MCOLN2: variants seen among roughly 807,000 people sequenced by gnomAD.
The protein encoded by MCOLN2 is mucolipin-2.
A neutral mutation model predicts 67.5 loss-of-function variants in MCOLN2; 57 were observed. The observed-to-expected ratio is 0.84, with a 90% CI of 0.68 to 1.05. The LOEUF (loss-of-function observed/expected upper bound fraction) is 1.05. Ranked by LOEUF, MCOLN2 falls within the 50% of genes least tolerant of loss-of-function variation. The probability of loss-of-function intolerance (pLI) is 0.00; values close to 1 mark genes in which losing one functional copy is unlikely to be tolerated. For missense variants in MCOLN2, 620 were observed against 678.8 expected (o/e 0.91, Z 0.96); for synonymous variants, 246 against 233.3 (o/e 1.05, Z -0.50).
chr1:84,942,580 G>C (rs1279740826), intron 7 of MCOLN2, among the ~76,000 whole-genome samples: 1 of 145,886 alleles, frequency 6.9e-6, no homozygotes, highest in Non-Finnish European at 1.5e-5. Flanking sequence ...TTATCATTAA[G>C]TGTCCATCTT....
chr1:84,937,774 A>G lies in MCOLN2; in HGVS notation c.1316T>C (p.Leu439Ser). 6.2e-7 allele frequency: 1 copy of G among 1,614,216 alleles called. No homozygotes were observed. Among genetic ancestry groups the G allele is most frequent in the Non-Finnish European group, 8.5e-7 (1 of 1,180,026 alleles). The change falls in exon 11 of 14, where the codon TTA becomes TCA. Residue 439 changes from leucine (L) to serine (S), a missense_variant. Transcript: ENST00000370608. ...LGYTFCGWIVLGPYHDKFENL... is the reference protein window; with the variant it reads ...LGYTFCGWIVSGPYHDKFENL... ...ACACACCTTGTCATGGTATGGTCCT[A>G]AGACAATCCAGCCACAGAATGTGTA...
chr1:84,943,913 G>A (rs949631881), intron 7 of MCOLN2, among the ~76,000 whole-genome samples: 4 of 152,120 alleles, frequency 2.6e-5, no homozygotes, highest in Non-Finnish European at 5.9e-5. Context: ...CTAATGGGTA[G>A]GTAAGAAAAC....
chr1:84,980,394 C>A (rs1650196657), intron 1 of MCOLN2, among the ~76,000 whole-genome samples: 1 of 152,148 alleles, frequency 6.6e-6, no homozygotes, highest in South Asian at 2.1e-4. Context: ...GGAGGAATCA[C>A]ATTATCTGAC....
In MCOLN2 at chr1:84,965,652, A is replaced by G. The variant is rs1221566177; in HGVS notation, c.134T>C (p.Leu45Pro). 6.2e-7 allele frequency: 1 copy of G among 1,613,988 alleles called. No homozygotes were observed. The highest frequency in any genetic ancestry group is 1.1e-5 in the South Asian group (1 of 91,082). The change falls in exon 2 of 14, where the codon CTG becomes CCG. Residue 45 changes from leucine (L) to proline (P), a missense_variant. Coordinates refer to ENST00000370608, the MANE Select transcript of MCOLN2 (RefSeq NM_153259.4). ...EMKEECLRED[L>P]KFYFMSPCEK... ...ACAAGGGCTCATGAAGTAAAACTTC[A>G]GGTCTTCCCTTAGACATTCTTCTTT...
intron 2 of MCOLN2, among the ~76,000 whole-genome samples, chr1:84,960,836 C>A (rs910369285): frequency 6.6e-6 from 1 of 152,150 alleles, no homozygotes; most frequent in Non-Finnish European, 1.5e-5. Flanking sequence ...GTTCTTCAAT[C>A]AAAGTTTGCT....
At chr1:84,975,061 G>A (rs1649926779) in intron 1 of MCOLN2, among the ~76,000 whole-genome samples, 1 of 152,196 alleles carries the variant, frequency 6.6e-6, no homozygotes, top group Non-Finnish European at 1.5e-5. Flanking sequence ...TTTTATTGTA[G>A]TCCCTGACTC....
At chr1:84,985,964 A>G (rs1650485366) in intron 1 of MCOLN2, among the ~76,000 whole-genome samples, 1 of 152,180 alleles carries the variant, frequency 6.6e-6, no homozygotes, top group Non-Finnish European at 1.5e-5. Context: ...TATGGAACCA[A>G]AAAAGAGCCT....
At chr1:84,942,584 C>T (rs1570963880) in intron 7 of MCOLN2, among the ~76,000 whole-genome samples, 2 of 105,120 alleles carry the variant, frequency 1.9e-5, no homozygotes. Flanking sequence ...CATTAAGTGT[C>T]CATCTTCCCC....
intron 1 of MCOLN2, among the ~76,000 whole-genome samples, chr1:84,987,431 C>CATATAT (rs1650588727): frequency 1.0e-5 from 1 of 97,704 alleles, no homozygotes; most frequent in African/African-American, 5.1e-5. Context: ...TACCTATATA[C>CATATAT]GTATATAGAT....
intron 12 of MCOLN2, chr1:84,929,934 A>G (rs550754228): frequency 2.3e-5 from 4 of 174,656 alleles, no homozygotes; most frequent in Non-Finnish European, 3.3e-5. Flanking sequence ...GGTTTTTTTT[A>G]AAAAAAAAAA....
intron 4 of MCOLN2, among the ~76,000 whole-genome samples, chr1:84,954,439 C>T (rs1414562132): frequency 3.3e-5 from 5 of 152,206 alleles, no homozygotes; most frequent in Non-Finnish European, 5.9e-5. Flanking sequence ...CACTTAACTC[C>T]ATACCAGACA....
At chr1:84,985,205 A>G (rs1278297675) in intron 1 of MCOLN2, among the ~76,000 whole-genome samples, 1 of 152,090 alleles carries the variant, frequency 6.6e-6, no homozygotes, top group Admixed American at 6.5e-5. Flanking sequence ...TCCCATTTCT[A>G]TTACTCCATT....
At chr1:84,952,602 G>T in intron 4 of MCOLN2, 72 bp from the exon 5 acceptor site, 1 of 943,692 alleles carries the variant, frequency 1.1e-6, no homozygotes, top group Non-Finnish European at 1.7e-6. Context: ...GGGTGAAAGT[G>T]TGACAAGAAG....
intron 4 of MCOLN2, among the ~76,000 whole-genome samples, chr1:84,953,528 C>T (rs890328014): frequency 2.2e-5 from 3 of 137,674 alleles, no homozygotes; most frequent in East Asian, 2.1e-4. Flanking sequence ...CCAGCCTGGG[C>T]GACAAGAACG....
chr1:84,989,097 G>A (rs1448296031), intron 1 of MCOLN2, among the ~76,000 whole-genome samples: 1 of 152,052 alleles, frequency 6.6e-6, no homozygotes, highest in African/African-American at 2.4e-5. Flanking sequence ...CCCCTACAAT[G>A]GACTTCATGA....
chr1:84,931,529 G>C lies in MCOLN2; in HGVS notation c.1375C>G (p.Leu459Val). Residue 459 changes from leucine (L) to valine (V), a missense_variant, in exon 12 of 14, where the codon CTG becomes GTG. Coordinates refer to ENST00000370608, the MANE Select transcript of MCOLN2 (RefSeq NM_153259.4). Reference sequence around the variant, plus strand: ...GCAAACATGTCATCACCGTTGACCAGAGAAAACAGACACTCAGCAACTGTG... The same window carrying C: ...GCAAACATGTCATCACCGTTGACCACAGAAAACAGACACTCAGCAACTGTG... Reference protein sequence around the residue: ...LNTVAECLFSLVNGDDMFATF... With the variant: ...LNTVAECLFSVVNGDDMFATF... The C allele has an allele frequency of 3.1e-6, 5 of 1,614,046 alleles. No homozygotes were observed. Among genetic ancestry groups the C allele is most frequent in the East Asian group, 2.2e-5 (1 of 44,880 alleles).
In MCOLN2 at chr1:84,939,588, T is replaced by C; in HGVS notation, c.1075A>G (p.Ile359Val). 2 of 1,614,118 alleles carry C rather than the reference T, an allele frequency of 1.2e-6. No homozygotes were observed. The highest frequency in any genetic ancestry group is 2.2e-5 in the East Asian group (1 of 44,866). Residue 359 changes from isoleucine to valine, a missense_variant, in exon 9 of 14, where the codon ATT (isoleucine) becomes GTT (valine). Coordinates refer to ENST00000370608, the MANE Select transcript of MCOLN2 (RefSeq NM_153259.4). ...LVIISDLMTI[I>V]GSILKMEIKA... ...ATTTCCATTTTTAATATGGAGCCAATGATTGTCATTAGGTCGCTGATAATC... is the reference window on the plus strand; with the variant it reads ...ATTTCCATTTTTAATATGGAGCCAACGATTGTCATTAGGTCGCTGATAATC...
chr1:84,986,279 G>A (rs371087688), intron 1 of MCOLN2, among the ~76,000 whole-genome samples: 2 of 152,164 alleles, frequency 1.3e-5, no homozygotes, highest in Admixed American at 6.5e-5. Context: ...GGTAGTTCAC[G>A]CCTATAATCC....
intron 11 of MCOLN2, among the ~76,000 whole-genome samples, chr1:84,933,325 G>A (rs1245001910): frequency 6.6e-6 from 1 of 152,030 alleles, no homozygotes; most frequent in East Asian, 1.9e-4. Flanking sequence ...CACGTGGCTG[G>A]ACCAGGCAAG....
Sources: gnomAD v4.1 joint callset for allele counts (sites outside exome capture counted in the v4.1 genomes callset) on GRCh38, gnomAD v4.1.1 for gene constraint, MANE v1.5 for transcripts, NCBI Gene and HGNC (gene_info 2026-07-23, HGNC 2026-07-21) for gene names.